C16orf78: variants seen among roughly 807,000 people sequenced by gnomAD.
The protein encoded by C16orf78 is uncharacterized protein C16orf78.
Under a neutral mutation model 27.3 loss-of-function variants are expected in C16orf78, and 19 were observed. The ratio of observed to expected loss-of-function variants is 0.70; its 90% CI spans 0.49 to 1.02. C16orf78 has a LOEUF of 1.02. C16orf78 is among the 50% of genes least tolerant of loss of function. C16orf78 has a pLI of 0.00. For missense variants in C16orf78, 339 were observed against 337.0 expected, an observed-to-expected ratio of 1.01 and a Z score of -0.05; for synonymous variants, 130 against 116.1, an observed-to-expected ratio of 1.12 and a Z score of -0.77.
At chr16:49,392,884 A>G (rs1965429430) in intron 3 of C16orf78, among the ~76,000 whole-genome samples, 1 of 152,174 alleles carries the variant, frequency 6.6e-6, no homozygotes, top group African/African-American at 2.4e-5. Context: ...ATTGTGAGAG[A>G]AACTGGTGGG....
chr16:49,377,310 G>A (rs749754977), intron 1 of C16orf78, among the ~76,000 whole-genome samples: 3 of 152,174 alleles, frequency 2.0e-5, no homozygotes, highest in East Asian at 1.9e-4. Context: ...GTGAGCAAAG[G>A]CCCAGAGGTC....
intron 3 of C16orf78, 145 bp downstream of exon 3, chr16:49,378,738 T>C (rs55863039): frequency 0.11 from 145,986 of 1,270,138 alleles, 9,568 homozygotes; most frequent in South Asian, 0.16. Context: ...GAAGCCCACA[T>C]GGAGGCTCAG....
At chr16:49,395,133 A>C (rs557231589) in intron 3 of C16orf78, among the ~76,000 whole-genome samples, 1 of 152,254 alleles carries the variant, frequency 6.6e-6, no homozygotes, top group South Asian at 2.1e-4. Context: ...CCTGGGCTCA[A>C]ATGGTCCACC....
At chr16:49,399,013 G>C (rs1174526854) in intron 4 of C16orf78, 118 bp from the exon 5 acceptor site, 43 of 1,107,046 alleles carry the variant, frequency 3.9e-5, no homozygotes, top group Non-Finnish European at 5.2e-5. Context: ...GACTGGGAGA[G>C]ACAGCCCCTT....
At position 49,396,445 on chromosome 16, in the gene C16orf78, C is replaced by A; in HGVS notation, c.417C>A (p.Val139=). The change falls in exon 4 of 5, where the codon GTC becomes GTA. Residue 139 remains valine (V), a synonymous_variant. Coordinates refer to ENST00000299191, the MANE Select transcript of C16orf78 (RefSeq NM_144602.4). ...KKSDTDIKDA[V]DPESTQRPNP... is the part of the protein sequence containing the mutation. ...CAGATACAGACATCAAGGATGCAGTCGACCCAGAGTCCACTCAGCGGCCAA... is the reference window on the plus strand; with the variant it reads ...CAGATACAGACATCAAGGATGCAGTAGACCCAGAGTCCACTCAGCGGCCAA... The A allele has an allele frequency of 6.2e-7, 1 of 1,614,098 alleles. No individual in the cohort carries two copies. The highest frequency in any genetic ancestry group is 8.5e-7 in the Non-Finnish European group (1 of 1,180,012).
rs186623240 is a variant in C16orf78 at position 49,385,604 on chromosome 16, G to A, written c.394+7011G>A. Reference sequence around the variant, plus strand: ...TGGGAGGCAGAGGTTGCAGTGAGCCGAGATCATGCCATTGCACTCCAGCCT... The same window carrying A: ...TGGGAGGCAGAGGTTGCAGTGAGCCAAGATCATGCCATTGCACTCCAGCCT... On this transcript the variant is annotated intron_variant, in intron 3 of 4. Transcript: ENST00000299191. Among the ~76,000 whole-genome samples, 43 of 149,858 alleles carry A rather than the reference G, an allele frequency of 2.9e-4. 1 individual carries two copies. The highest frequency in any genetic ancestry group is 8.8e-4 in the African/African-American group (36 of 40,698).
rs117960957 is a variant in C16orf78 at position 49,375,554 on chromosome 16, G to C, written c.150+1465G>C. On this transcript the variant is annotated intron_variant, in intron 1 of 4. Coordinates refer to ENST00000299191, the MANE Select transcript of C16orf78 (RefSeq NM_144602.4). ...TCTCGCCTTCATGACAGTACCAAGG[G>C]GAATCGTGTTAAACCATGAGAAAGT... Among the ~76,000 whole-genome samples the C allele has an allele frequency of 7.2e-5, 11 of 152,172 alleles. No individual in the cohort carries two copies. In the East Asian group the frequency reaches 1.5e-3, roughly 21 times the overall value.
At chr16:49,378,319 G>C (rs575316229) in intron 2 of C16orf78, 151 bp from the exon 3 acceptor site, 39 of 1,180,764 alleles carry the variant, frequency 3.3e-5, no homozygotes, top group African/African-American at 4.7e-5. Flanking sequence ...CTGCCCCTCC[G>C]ACCTCTCCCA....
chr16:49,375,448 C>T (rs1312290369), intron 1 of C16orf78, among the ~76,000 whole-genome samples: 1 of 152,162 alleles, frequency 6.6e-6, no homozygotes, highest in Non-Finnish European at 1.5e-5. Flanking sequence ...AAAAGAGGAG[C>T]AGGCACTTCA....
chr16:49,393,271 A>G (rs1965435867), intron 3 of C16orf78, among the ~76,000 whole-genome samples: 1 of 152,212 alleles, frequency 6.6e-6, no homozygotes, highest in Admixed American at 6.5e-5. Context: ...GATCATATAG[A>G]CAATAACAGG....
At position 49,389,000 on chromosome 16, in the gene C16orf78, A is replaced by AT. The variant is rs1201858301; in HGVS notation, c.395-7422dup. 3.9e-5 allele frequency among the ~76,000 whole-genome samples: 6 copies of AT among 152,344 alleles called. No individual in the cohort carries two copies. The East Asian group carries it at 9.6e-4, about 24-fold the overall frequency. ...TCTAAAAATATGTGGAAATTAACACATATCTTCACGTGCGTTTCTAACTTG... is the reference window on the plus strand; with the variant it reads ...TCTAAAAATATGTGGAAATTAACACATTATCTTCACGTGCGTTTCTAACTTG... On this transcript the variant is annotated intron_variant, in intron 3 of 4. Coordinates refer to ENST00000299191, the MANE Select transcript of C16orf78 (RefSeq NM_144602.4).
chr16:49,381,373 A>G (rs1335976709), intron 3 of C16orf78, among the ~76,000 whole-genome samples: 1 of 152,044 alleles, frequency 6.6e-6, no homozygotes, highest in African/African-American at 2.4e-5. Flanking sequence ...GGATTCCTAG[A>G]TATTTTATTC....
chr16:49,384,730 T>A (rs1367115713), intron 3 of C16orf78, among the ~76,000 whole-genome samples: 1 of 152,154 alleles, frequency 6.6e-6, no homozygotes, highest in African/African-American at 2.4e-5. Context: ...AAAAGGTCTG[T>A]ACCAAGACAT....
rs371068688 is a variant in C16orf78 at position 49,395,395 on chromosome 16, C to G, written c.395-1028C>G. On this transcript the variant is annotated intron_variant, in intron 3 of 4. Transcript: ENST00000299191. ...CAGGCTGGCCACATGGGACCCAGGA[C>G]GGATTTGAATGTGGCTCAACATAAA... 9.9e-5 allele frequency among the ~76,000 whole-genome samples: 15 copies of G among 152,158 alleles called. No individual in the cohort carries two copies. The East Asian group carries it at 1.5e-3, about 16-fold the overall frequency.
intron 3 of C16orf78, 24 bp downstream of exon 3, chr16:49,378,617 G>A: frequency 1.2e-6 from 2 of 1,609,278 alleles, no homozygotes; most frequent in Admixed American, 1.7e-5. Flanking sequence ...CTTGGCCCCG[G>A]CCACCAGAAT....
At chr16:49,396,797 TG>T (rs1965481170) in intron 4 of C16orf78, 119 bp downstream of exon 4, 1 of 1,331,156 alleles carries the variant, frequency 7.5e-7, no homozygotes, top group Non-Finnish European at 1.0e-6. Context: ...GGGCTTGGTG[TG>T]GCTGAGCTCC....
intron 1 of C16orf78, among the ~76,000 whole-genome samples, chr16:49,376,472 T>G (rs1965219866): frequency 6.6e-6 from 1 of 152,170 alleles, no homozygotes; most frequent in African/African-American, 2.4e-5. Flanking sequence ...GGGGCTGCCC[T>G]GGAGGAGATG....
chr16:49,394,487 A>AG (rs1011017399), intron 3 of C16orf78, among the ~76,000 whole-genome samples: 1 of 151,944 alleles, frequency 6.6e-6, no homozygotes, highest in Non-Finnish European at 1.5e-5. Flanking sequence ...GGCAAAAAAA[A>AG]AGCAATGAAT....
intron 3 of C16orf78, among the ~76,000 whole-genome samples, chr16:49,388,311 G>A (rs1307968183): frequency 6.6e-6 from 1 of 152,022 alleles, no homozygotes; most frequent in Admixed American, 6.6e-5. Context: ...AGGTTGGTAA[G>A]TTGAGATTTC....
Sources: gnomAD v4.1 joint callset for allele counts (sites outside exome capture counted in the v4.1 genomes callset) on GRCh38, gnomAD v4.1.1 for gene constraint, MANE v1.5 for transcripts, NCBI Gene and HGNC (gene_info 2026-07-23, HGNC 2026-07-21) for gene names.